The following POGK variants were observed in gnomAD, a reference collection of about 807,000 sequenced individuals.
The protein encoded by POGK is pogo transposable element with KRAB domain.
POGK carries 16 observed loss-of-function variants against 54.4 expected under a neutral mutation model. That is an observed-to-expected ratio of 0.29 (90% CI 0.20 to 0.45). The LOEUF is 0.45. Among genes scored for constraint, POGK ranks in the 20% least tolerant of loss-of-function variants. POGK has a pLI of 1.00. For missense variants in POGK, 515 were observed against 795.6 expected (o/e 0.65, Z 4.24); for synonymous variants, 271 against 302.2 (o/e 0.90, Z 1.07).
At chr1:166,842,962 T>C (rs1047741108) in intron 2 of POGK, among the ~76,000 whole-genome samples, 14 of 152,294 alleles carry the variant, frequency 9.2e-5, no homozygotes, top group African/African-American at 2.9e-4. Flanking sequence ...TTTTAAAATA[T>C]GTATTTTGGT....
chr1:166,849,213 G>T lies in POGK; in HGVS notation c.634G>T (p.Ala212Ser). Residue 212 changes from alanine (A) to serine (S), a missense_variant, in exon 5 of 6, where the codon GCT (alanine) becomes TCT (serine). Physicochemically the swap from Ala to Ser is moderately conservative, Grantham distance 99. This residue lies in a region of POGK where 461 missense variants were observed against 743.5 expected (regional missense o/e 0.62). Transcript: ENST00000367876. ...GTTCAAGCTGATGGTAGTGGAATAT[G>T]CTGAGAGTACCAACAACTGCCAGGC... ...AGFKLMVVEY[A>S]ESTNNCQAAK... The T allele has an allele frequency of 1.2e-6, 2 of 1,614,248 alleles. No individual in the cohort carries two copies. The highest frequency in any genetic ancestry group is 1.1e-5 in the South Asian group (1 of 91,082).
In POGK at chr1:166,855,874, A is replaced by T. The variant is rs994556442; in HGVS notation, c.*3304A>T. 1.6e-4 allele frequency: 16 copies of T among 98,184 alleles called. No individual in the cohort carries two copies. The highest frequency in any genetic ancestry group is 7.7e-4 in the African/African-American group (15 of 19,424). 6.1% of individuals were successfully genotyped at this position (98,184 alleles called of 1,614,324 possible). ...GCAGCATTAAGGCCCAGGTATATTG[A>T]GTAGTCCAAACCAAAAAACTATATT... On this transcript the variant is annotated 3_prime_UTR_variant, in exon 6 of 6. Coordinates refer to ENST00000367876, the MANE Select transcript of POGK (RefSeq NM_017542.5).
At chr1:166,847,123 C>T (rs778535949) in intron 3 of POGK, among the ~76,000 whole-genome samples, 3 of 152,196 alleles carry the variant, frequency 2.0e-5, no homozygotes, top group Non-Finnish European at 4.4e-5. Context: ...TTGCTCCTCT[C>T]CCCAACTTCC....
At chr1:166,841,142 C>T in intron 2 of POGK, 54 bp downstream of exon 2, 1 of 1,598,152 alleles carries the variant, frequency 6.3e-7, no homozygotes, top group Non-Finnish European at 8.5e-7. Context: ...CCTGAGAGCC[C>T]AGCTTGCTTT....
At position 166,849,938 on chromosome 1, in the gene POGK, G is replaced by A. The variant is rs758802648; in HGVS notation, c.1359G>A (p.Val453=). ...EDLMQDWLEV[V]WRRRTGAVPK... is the part of the protein sequence containing the mutation. ...TGATGCAGGACTGGTTGGAAGTGGT[G>A]TGGAGACGGAGGACAGGAGCAGTGC... The change falls in exon 5 of 6, where the codon GTG becomes GTA. Residue 453 remains valine, a synonymous_variant. Transcript: ENST00000367876. The A allele has an allele frequency of 1.2e-6, 2 of 1,614,252 alleles. No individual in the cohort carries two copies. The highest frequency in any genetic ancestry group is 1.7e-5 in the Admixed American group (1 of 60,036).
intron 2 of POGK, among the ~76,000 whole-genome samples, chr1:166,844,184 CT>C (rs1254944149): frequency 6.6e-6 from 1 of 152,194 alleles, no homozygotes; most frequent in African/African-American, 2.4e-5. Flanking sequence ...CAGCCCCCAG[CT>C]TTCTTCCTGC....
At chr1:166,848,911 T>C (rs368935998) in intron 4 of POGK, 27 bp from the exon 5 acceptor site, 84 of 1,553,600 alleles carry the variant, frequency 5.4e-5, no homozygotes, top group Non-Finnish European at 6.6e-5. Context: ...CTGGCATTAT[T>C]TTTGCCCCTC....
intron 1 of POGK, 125 bp downstream of exon 1, chr1:166,839,729 C>A (rs1199593166): frequency 2.1e-5 from 3 of 146,268 alleles, no homozygotes; most frequent in South Asian, 4.2e-4. Flanking sequence ...GTTGCGGGCC[C>A]GCCGGGGAGG....
intron 5 of POGK, 112 bp from the exon 6 acceptor site, chr1:166,852,473 A>C (rs1658109059): frequency 6.6e-6 from 1 of 152,248 alleles, no homozygotes; most frequent in African/African-American, 2.4e-5. Context: ...AGTGGGCATA[A>C]AACTACGTCT....
At chr1:166,845,753 C>T (rs922854852) in intron 2 of POGK, among the ~76,000 whole-genome samples, 3 of 152,158 alleles carry the variant, frequency 2.0e-5, no homozygotes, top group African/African-American at 7.2e-5. Context: ...TTTTTAATGA[C>T]TGTAATAAGA....
chr1:166,847,227 A>C (rs984355611), intron 3 of POGK, among the ~76,000 whole-genome samples: 4 of 152,196 alleles, frequency 2.6e-5, no homozygotes, highest in African/African-American at 7.2e-5. Context: ...TGTTAATTGG[A>C]TCAGCAGCTG....
chr1:166,842,064 G>A (rs1026592988), intron 2 of POGK, among the ~76,000 whole-genome samples: 1 of 151,196 alleles, frequency 6.6e-6, no homozygotes, highest in Non-Finnish European at 1.5e-5. Context: ...TGTGGACACC[G>A]CGCTGCCTTT....
intron 5 of POGK, 34 bp downstream of exon 5, chr1:166,850,457 G>A: frequency 6.5e-7 from 1 of 1,540,634 alleles, no homozygotes; most frequent in Non-Finnish European, 8.7e-7. Context: ...CAGTGCCTTT[G>A]CTGACATGTC....
rs1171365477 is a variant in POGK, at chr1:166,855,400, C to T, written c.*2830C>T. ...TAACCTAATTAGAGAAGCGATTGCA[C>T]TCGAGTCCCCACAGCTGGCAGTGGT... On this transcript the variant is annotated 3_prime_UTR_variant, in exon 6 of 6. Coordinates refer to ENST00000367876, the MANE Select transcript of POGK (RefSeq NM_017542.5). 1 of 152,200 alleles carries T rather than the reference C, an allele frequency of 6.6e-6. No individual in the cohort carries two copies. The highest frequency in any genetic ancestry group is 1.9e-4 in the East Asian group (1 of 5,202). The allele number at this position is 152,200 out of a possible 1,614,324, so 9.4% of individuals were successfully genotyped here.
rs1207364139 is a variant in POGK at position 166,849,800 on chromosome 1, T to C, written c.1221T>C (p.Asp407=). The C allele has an allele frequency of 9.3e-6, 15 of 1,614,126 alleles. No individual in the cohort carries two copies. Among genetic ancestry groups the C allele is most frequent in the Non-Finnish European group, 1.3e-5 (15 of 1,180,048 alleles). ...CAGCAATGCTTGGTGTCTTGGCTGA[T>C]GGGAGGAAGTTACCACCGTACATCA... is the stretch of plus-strand genomic sequence containing the variant. ...KITAMLGVLA[D]GRKLPPYIIL... is the part of the protein sequence containing the mutation. Residue 407 remains aspartate, a synonymous_variant, in exon 5 of 6, where the codon GAT becomes GAC. Transcript: ENST00000367876.
rs1658145308 is a variant in POGK at position 166,853,216 on chromosome 1, G to C, written c.*646G>C. On this transcript the variant is annotated 3_prime_UTR_variant, in exon 6 of 6. Transcript: ENST00000367876. ...GATGGCTTTTCTATAGACAAACTAG[G>C]TTAGTGTGGAAGATATAGGTTAAAA... is the stretch of plus-strand genomic sequence containing the variant. 6.6e-6 allele frequency: 1 copy of C among 152,636 alleles called. No individual in the cohort carries two copies. Among genetic ancestry groups the C allele is most frequent in the African/African-American group, 2.4e-5 (1 of 41,454 alleles). 9.5% of individuals were successfully genotyped at this position (152,636 alleles called of 1,614,324 possible).
At position 166,849,470 on chromosome 1, in the gene POGK, C is replaced by T. The variant is rs1257866573; in HGVS notation, c.891C>T (p.Asn297=). ...CTCTCGAAATCGCCCAGGAAATGAA[C>T]ATTCCAGAGAAAGGGTTCAAGGCAA... ...LKALEIAQEM[N]IPEKGFKASL... Residue 297 remains asparagine, a synonymous_variant, in exon 5 of 6, where the codon AAC becomes AAT. Transcript: ENST00000367876. 3.7e-6 allele frequency: 6 copies of T among 1,614,140 alleles called. No individual in the cohort carries two copies. The African/African-American group carries it at 8.0e-5, about 22-fold the overall frequency.
Position 166,849,065 on chromosome 1 carries a change from C to G in POGK, c.486C>G (p.Pro162=), listed in dbSNP as rs764695456. 3.7e-6 allele frequency: 6 copies of G among 1,614,048 alleles called. No individual in the cohort carries two copies. Among genetic ancestry groups the G allele is most frequent in the Non-Finnish European group, 5.1e-6 (6 of 1,180,054 alleles). ...TGCCTCGGGATATCACAGAGCTGCC[C>G]GAGTGGAGTGAGGGGTACCCCTTCT... ...LRLPRDITEL[P]EWSEGYPFYM... is the part of the protein sequence containing the mutation. The change falls in exon 5 of 6, where the codon CCC becomes CCG. Residue 162 remains proline (P), a synonymous_variant. Transcript: ENST00000367876.
rs57469144 is a variant in POGK, at chr1:166,856,344, G to GAAAAAAA, written c.*3783_*3789dup. ...GTGAGACCCTATCTCAAAAAGAAAA[G>GAAAAAAA]AAAAAAAAAAAAAAAGAAATGGCAT... is the stretch of plus-strand genomic sequence containing the variant. On this transcript the variant is annotated 3_prime_UTR_variant, in exon 6 of 6. Transcript: ENST00000367876. 1 of 117,068 alleles carries GAAAAAAA rather than the reference G, an allele frequency of 8.5e-6. No homozygotes were observed. Among genetic ancestry groups the GAAAAAAA allele is most frequent in the Non-Finnish European group, 1.8e-5 (1 of 54,960 alleles). The allele number at this position is 117,068 out of a possible 1,614,324, so 7.3% of individuals were successfully genotyped here.
Sources: gnomAD v4.1 joint callset for allele counts (sites outside exome capture counted in the v4.1 genomes callset) on GRCh38, gnomAD v4.1.1 for gene constraint, gnomAD v4.1.1 regional missense constraint, MANE v1.5 for transcripts, NCBI Gene and HGNC (gene_info 2026-07-23, HGNC 2026-07-21) for gene names.